DNAI4: variants seen among roughly 807,000 people sequenced by gnomAD.
DNAI4 encodes the protein WD repeat domain 78.
A neutral mutation model predicts 105.8 loss-of-function variants in DNAI4; 85 were observed. The ratio of observed to expected loss-of-function variants is 0.80; its 90% confidence interval spans 0.67 to 0.96. DNAI4 has a LOEUF of 0.96. DNAI4 is among the 40% of genes least tolerant of loss of function. The pLI, the probability that DNAI4 is intolerant of heterozygous loss-of-function variation, is 0.00. For missense variants in DNAI4, 1,014 were observed against 1,005.6 expected, an observed-to-expected ratio of 1.01 and a Z score of -0.11; for synonymous variants, 352 against 331.5, an observed-to-expected ratio of 1.06 and a Z score of -0.67.
Position 66,896,453 on chromosome 1 carries a change from A to T in DNAI4, c.346-3040T>A, listed in dbSNP as rs1471045692. Among the ~76,000 whole-genome samples, 16 of 152,182 alleles carry T rather than the reference A, an allele frequency of 1.1e-4. 1 individual carries two copies. The highest frequency in any genetic ancestry group is 6.6e-4 in the Admixed American group (10 of 15,266). ...TTCAAGAAGAGACTCTGTATCCATT[A>T]TGATCCCTGCTATGGTTTAAGTGTG... On this transcript the variant is annotated intron_variant, in intron 2 of 16. Transcript: ENST00000371026.
intron 3 of DNAI4, among the ~76,000 whole-genome samples, chr1:66,892,959 AAG>A (rs1647814841): frequency 1.8e-5 from 2 of 113,210 alleles, no homozygotes; most frequent in African/African-American, 4.1e-5. Flanking sequence ...AGAAGAAAGA[AAG>A]AAAGAAAGAA....
intron 2 of DNAI4, among the ~76,000 whole-genome samples, chr1:66,897,792 G>T (rs922615015): frequency 3.9e-5 from 6 of 152,220 alleles, no homozygotes; most frequent in Non-Finnish European, 8.8e-5. Flanking sequence ...AGCTGTGGAG[G>T]AATTAAGATC....
At chr1:66,844,760 TA>T (rs1206408663) in intron 8 of DNAI4, among the ~76,000 whole-genome samples, 2 of 151,794 alleles carry the variant, frequency 1.3e-5, no homozygotes, top group Admixed American at 1.3e-4. Context: ...TTCGCAAAAA[TA>T]AAAAACTTCT....
rs571844820 is a variant in DNAI4 at position 66,835,600 on chromosome 1, C to G, written c.1733+26G>C. 5 of 1,607,654 alleles carry G rather than the reference C, an allele frequency of 3.1e-6. No homozygotes were observed. The East Asian group carries it at 1.1e-4, about 36-fold the overall frequency. On this transcript the variant is annotated intron_variant, in intron 11 of 16. Transcript: ENST00000371026. ...TCCTCCTGAAAAAGCATGTATTATA[C>G]ATTTATCTAATTCTCGGATTCTTAC...
At chr1:66,893,091 A>G (rs555638450) in intron 3 of DNAI4, 138 bp downstream of exon 3, 2 of 417,898 alleles carry the variant, frequency 4.8e-6, no homozygotes, top group African/African-American at 4.3e-5. Context: ...GAAAGAAAGA[A>G]AGAAAGAAAG....
At chr1:66,831,544 C>T (rs761393786) in intron 13 of DNAI4, among the ~76,000 whole-genome samples, 3 of 152,144 alleles carry the variant, frequency 2.0e-5, no homozygotes, top group Admixed American at 6.5e-5. Flanking sequence ...TTTATACATA[C>T]GGAAAAGTGT....
At chr1:66,825,744 C>A (rs1312683685) in intron 15 of DNAI4, among the ~76,000 whole-genome samples, 2 of 152,168 alleles carry the variant, frequency 1.3e-5, no homozygotes, top group African/African-American at 4.8e-5. Context: ...TACTTGTAAT[C>A]CTTGATTTGT....
chr1:66,827,244 C>T (rs1373810718), intron 14 of DNAI4, among the ~76,000 whole-genome samples, 198 bp from the exon 15 acceptor site: 1 of 151,452 alleles, frequency 6.6e-6, no homozygotes, highest in African/African-American at 2.4e-5. Context: ...AATATAGTTG[C>T]TACAATATTC....
Position 66,892,967 on chromosome 1 carries a change from A to G in DNAI4, c.530+262T>C, listed in dbSNP as rs1569802036. On this transcript the variant is annotated intron_variant, in intron 3 of 16. Coordinates refer to ENST00000371026, the MANE Select transcript of DNAI4 (RefSeq NM_024763.5). Reference sequence around the variant, plus strand: ...AAGAAAGAGAAGAAAGAAAGAAAGAAAGAAAGAAAGAAAGAAAGAAAGAAA... The same window carrying G: ...AAGAAAGAGAAGAAAGAAAGAAAGAGAGAAAGAAAGAAAGAAAGAAAGAAA... Among the ~76,000 whole-genome samples, 9 of 131,662 alleles carry G rather than the reference A, an allele frequency of 6.8e-5. 2 individuals are homozygous for G. Among genetic ancestry groups the G allele is most frequent in the Admixed American group, 1.5e-4 (2 of 13,596 alleles). The allele number at this position is 131,662 out of a possible 152,430, so 86.4% of individuals were successfully genotyped here.
intron 3 of DNAI4, among the ~76,000 whole-genome samples, chr1:66,892,347 C>A (rs1478763633): frequency 6.6e-6 from 1 of 152,060 alleles, no homozygotes. Context: ...CAGAGATTTG[C>A]ATGGGAGAGG....
chr1:66,832,973 A>G (rs1645899047), intron 13 of DNAI4, among the ~76,000 whole-genome samples: 1 of 152,174 alleles, frequency 6.6e-6, no homozygotes, highest in Admixed American at 6.5e-5. Flanking sequence ...GACTATATAC[A>G]AGTGGATTAG....
intron 16 of DNAI4, among the ~76,000 whole-genome samples, chr1:66,816,419 T>A (rs910894974): frequency 6.6e-6 from 1 of 152,106 alleles, no homozygotes. Context: ...GTCATAATGT[T>A]ACTTGACAAG....
At chr1:66,877,212 G>C (rs1229623665) in intron 4 of DNAI4, among the ~76,000 whole-genome samples, 1 of 152,074 alleles carries the variant, frequency 6.6e-6, no homozygotes, top group Non-Finnish European at 1.5e-5. Flanking sequence ...CACAAAAGCA[G>C]TTTATTCTTC....
chr1:66,915,795 T>C (rs1650020366), intron 1 of DNAI4, among the ~76,000 whole-genome samples: 1 of 152,046 alleles, frequency 6.6e-6, no homozygotes, highest in Admixed American at 6.6e-5. Flanking sequence ...TTTTGTGTGG[T>C]AAGAAAGCTT....
chr1:66,829,023 G>A (rs1645811978), intron 13 of DNAI4, among the ~76,000 whole-genome samples: 1 of 152,228 alleles, frequency 6.6e-6, no homozygotes, highest in South Asian at 2.1e-4. Flanking sequence ...GTGCTCTCAG[G>A]AACAACCTCT....
At chr1:66,914,431 TG>T (rs973384976) in intron 1 of DNAI4, among the ~76,000 whole-genome samples, 1 of 152,234 alleles carries the variant, frequency 6.6e-6, no homozygotes, top group African/African-American at 2.4e-5. Context: ...ATTTATCTCG[TG>T]GCTAAAAGTT....
intron 5 of DNAI4, among the ~76,000 whole-genome samples, chr1:66,873,453 C>T (rs1646892813): frequency 6.7e-6 from 1 of 149,548 alleles, no homozygotes; most frequent in African/African-American, 2.4e-5. Flanking sequence ...GGGCTCTCGC[C>T]ATGTTGCAGG....
intron 16 of DNAI4, among the ~76,000 whole-genome samples, chr1:66,821,763 C>T (rs1012030860): frequency 1.3e-5 from 2 of 151,396 alleles, no homozygotes; most frequent in Non-Finnish European, 2.9e-5. Flanking sequence ...CATATTTGTG[C>T]TAATATTTAC....
In DNAI4 at chr1:66,882,846, A is replaced by G. The variant is rs550998078; in HGVS notation, c.644-7909T>C. On this transcript the variant is annotated intron_variant, in intron 4 of 16. Transcript: ENST00000371026. ...TACAAAAAAGATTGCTGGGATTTTG[A>G]TTAAGATTGGATTGAATCTATACAT... 3.1e-4 allele frequency among the ~76,000 whole-genome samples: 47 copies of G among 152,182 alleles called. 1 individual carries two copies. The South Asian group carries it at 9.5e-3, about 31-fold the overall frequency.
Sources: allele counts gnomAD v4.1 joint callset (sites outside exome capture counted in the v4.1 genomes callset), GRCh38; gene constraint gnomAD v4.1.1; transcripts MANE v1.5; gene names NCBI Gene and HGNC (gene_info 2026-07-23, HGNC 2026-07-21).